The following KMT2B variants were observed in gnomAD, a reference collection of about 807,000 sequenced individuals.
The protein encoded by KMT2B is lysine methyltransferase 2B.
A neutral mutation model predicts 255.3 loss-of-function variants in KMT2B; 22 were observed. The ratio of observed to expected loss-of-function variants is 0.09; its 90% CI spans 0.06 to 0.12. KMT2B has a LOEUF of 0.12. KMT2B is among the 10% of genes least tolerant of loss of function. The pLI, the probability that KMT2B is intolerant of heterozygous loss-of-function variation, is 1.00. For missense variants in KMT2B, 3,149 were observed against 3,737.0 expected (o/e 0.84, Z 4.10); for synonymous variants, 1,730 against 1,498.1 (o/e 1.15, Z -3.57).
chr19:35,724,879 G>A, intron 9 of KMT2B, 110 bp from the exon 10 acceptor site: 2 of 1,085,918 alleles, frequency 1.8e-6, no homozygotes, highest in Non-Finnish European at 2.7e-6. Context: ...GAAAGCAAAG[G>A]GGTCTGGATC....
Position 35,722,458 on chromosome 19 carries a change from A to G in KMT2B, c.2557A>G (p.Arg853Gly), listed in dbSNP as rs1308440177. 6.2e-7 allele frequency: 1 copy of G among 1,608,400 alleles called. No homozygotes were observed. ...TGAAGATGAGTCGGTGGAAGCTAAGAGAGAGCGGCCCTCAGTATGCATCGG... is the reference window on the plus strand; with the variant it reads ...TGAAGATGAGTCGGTGGAAGCTAAGGGAGAGCGGCCCTCAGTATGCATCGG... ...RSEDESVEAKRERPSGPESPV... is the reference protein window; with the variant it reads ...RSEDESVEAKGERPSGPESPV... Residue 853 changes from arginine (R) to glycine (G), a missense_variant, in exon 4 of 37, where the codon AGA becomes GGA. By Grantham distance (125) the Arg-to-Gly change is moderately radical. This residue lies in a region of KMT2B where 1,188 missense variants were observed against 1,106.4 expected (regional missense o/e 1.07). Coordinates refer to ENST00000420124, the MANE Select transcript of KMT2B (RefSeq NM_014727.3).
chr19:35,728,606 G>A (rs949233458), intron 19 of KMT2B, among the ~76,000 whole-genome samples, 168 bp from the exon 20 acceptor site: 4 of 152,144 alleles, frequency 2.6e-5, no homozygotes, highest in Non-Finnish European at 4.4e-5. Flanking sequence ...GCAGCATTTC[G>A]TATGTCCAAG....
At position 35,728,876 on chromosome 19, in the gene KMT2B, G is replaced by A. The variant is rs754659603; in HGVS notation, c.4674G>A (p.Gly1558=). Reference sequence around the variant, plus strand: ...CCCCAGAATCAGGGCAGCCTCCAGGGGATCCCTCAGCAGGTACTGGGAAGT... The same window carrying A: ...CCCCAGAATCAGGGCAGCCTCCAGGAGATCCCTCAGCAGGTACTGGGAAGT... ...PETPESGQPP[G]DPSAAFQGKD... Residue 1558 remains glycine (G), a synonymous_variant, in exon 20 of 37, where the codon GGG becomes GGA. Coordinates refer to ENST00000420124, the MANE Select transcript of KMT2B (RefSeq NM_014727.3). 4 of 1,613,860 alleles carry A rather than the reference G, an allele frequency of 2.5e-6. No homozygotes were observed. Among genetic ancestry groups the A allele is most frequent in the Admixed American group, 1.7e-5 (1 of 60,024 alleles).
rs961376200 is a variant in KMT2B at position 35,738,188 on chromosome 19, G to C, written c.7869G>C (p.Gly2623=). ...ACAAGCGGGAGAAGTTCTACGATGG[G>C]AAGGTGGGCTCCCAGTGGCTGTGGG... ...LTDKREKFYD[G]KGIGCYMFRM... The change falls in exon 36 of 37, where the codon GGG becomes GGC. Residue 2623 remains glycine (G), a synonymous_variant. Coordinates refer to ENST00000420124, the MANE Select transcript of KMT2B (RefSeq NM_014727.3). This position sits in a 1 kb window ranked among gnomAD's most constrained non-coding sequence, Gnocchi z 8.7. 4.3e-6 allele frequency: 7 copies of C among 1,613,746 alleles called. No individual in the cohort carries two copies. The highest frequency in any genetic ancestry group is 5.9e-6 in the Non-Finnish European group (7 of 1,179,864).
In KMT2B at chr19:35,737,989, TG is replaced by T. The variant is rs1568385885; in HGVS notation, c.7742+48del. 1 of 1,609,964 alleles carries T rather than the reference TG, an allele frequency of 6.2e-7. No individual in the cohort carries two copies. Among genetic ancestry groups the T allele is most frequent in the East Asian group, 2.2e-5 (1 of 44,772 alleles). ...GATGCCCCTTGGGTGGACGGACAGG[TG>T]CACTGGGTAGGGGGTACTGTCTGGT... is the stretch of plus-strand genomic sequence containing the variant. On this transcript the variant is annotated intron_variant, in intron 35 of 36. Transcript: ENST00000420124. The surrounding 1 kb of genome is among the most constrained non-coding windows in gnomAD (Gnocchi z 5.3).
rs117953918 is a variant in KMT2B, at chr19:35,738,253, C to T, written c.7873-29C>T. ...AGCGAGCCTGTCCGCGGGGACAGAG[C>T]ACCTGATCTCCCCACCTCATCCCTG... On this transcript the variant is annotated intron_variant, in intron 36 of 36. Transcript: ENST00000420124. The surrounding 1 kb of genome is among the most constrained non-coding windows in gnomAD (Gnocchi z 8.7). The T allele has an allele frequency of 9.3e-6, 15 of 1,613,182 alleles. No homozygotes were observed. The East Asian group carries it at 2.9e-4, about 31-fold the overall frequency.
At chr19:35,726,058 C>T (rs866855899) in intron 13 of KMT2B, among the ~76,000 whole-genome samples, 178 bp from the exon 14 acceptor site, 3 of 152,190 alleles carry the variant, frequency 2.0e-5, no homozygotes, top group African/African-American at 2.4e-5. Context: ...CCTGCTATAG[C>T]CTGATGTCCT....
rs752443498 is a variant in KMT2B at position 35,725,258 on chromosome 19, C to T, written c.3567C>T (p.Gly1189=). ...TAGAGAACGTGTGGCTGATGGGGGG[C>T]CTGAGTGTGCTCACCTCTGTGCCAG... ...CDLENVWLMG[G]LSVLTSVPGG... The change falls in exon 11 of 37, where the codon GGC becomes GGT. Residue 1189 remains glycine, a synonymous_variant. Coordinates refer to ENST00000420124, the MANE Select transcript of KMT2B (RefSeq NM_014727.3). This position sits in a 1 kb window ranked among gnomAD's most constrained non-coding sequence, Gnocchi z 4.1. The T allele has an allele frequency of 7.5e-6, 12 of 1,607,470 alleles. No individual in the cohort carries two copies.
Position 35,720,670 on chromosome 19 carries a change from A to G in KMT2B, c.1323A>G (p.Leu441=). Residue 441 remains leucine (L), a synonymous_variant, in exon 3 of 37, where the codon CTA becomes CTG. Transcript: ENST00000420124. The part of the protein sequence containing the change: ...PPPPPVSPPP[L]PSPPPPPAQE... The stretch of plus-strand genomic sequence containing the variant: ...CACCCCCAGTGTCCCCACCACCTCT[A>G]CCATCCCCTCCACCGCCTCCTGCCC... The G allele has an allele frequency of 1.4e-6, 2 of 1,444,098 alleles. No individual in the cohort carries two copies. The highest frequency in any genetic ancestry group is 9.1e-7 in the Non-Finnish European group (1 of 1,099,674). The allele number at this position is 1,444,098 out of a possible 1,614,324, so 89.5% of individuals were successfully genotyped here. A position where few individuals can be genotyped will look rare whatever the true frequency, so the allele number is the denominator to read the frequency against.
chr19:35,718,089 C>T lies in KMT2B; in HGVS notation c.71C>T (p.Pro24Leu), dbSNP rs2146428411. ...GSARGRFPGR[P>L]RGAGGGGGRG... The stretch of plus-strand genomic sequence containing the variant: ...GCGCGGGGCCGCTTCCCGGGCCGGC[C>T]GCGGGGCGCCGGCGGGGGCGGGGGC... Residue 24 changes from proline (P) to leucine (L), a missense_variant, in exon 1 of 37, where the codon CCG (proline) becomes CTG (leucine). Pro to Leu is a moderately conservative substitution (Grantham distance 98, BLOSUM62 -3). Around this residue, in one of 18 missense-constraint regions of KMT2B, gnomAD observed 10 missense variants for 26.9 expected, o/e 0.37. Coordinates refer to ENST00000420124, the MANE Select transcript of KMT2B (RefSeq NM_014727.3). This position sits in a 1 kb window ranked among gnomAD's most constrained non-coding sequence, Gnocchi z 5.0. 1 of 987,950 alleles carries T rather than the reference C, an allele frequency of 1.0e-6. No individual in the cohort carries two copies. The highest frequency in any genetic ancestry group is 1.2e-6 in the Non-Finnish European group (1 of 833,036). The allele number at this position is 987,950 out of a possible 1,614,324, so 61.2% of individuals were successfully genotyped here.
In KMT2B at chr19:35,725,565, C is replaced by T; in HGVS notation, c.3729C>T (p.Thr1243=). Residue 1243 remains threonine (T), a synonymous_variant, in exon 12 of 37, where the codon ACC becomes ACT. Transcript: ENST00000420124. The surrounding 1 kb of genome is among the most constrained non-coding windows in gnomAD (Gnocchi z 4.1). ...GGCCCCTGCCCCAGCATCACGACAC[C>T]TGGTGCTGCCGTCGCTGCAAATTCT... is the stretch of plus-strand genomic sequence containing the variant. ...AERPLPQHHD[T]WCCRRCKFCH... is the part of the protein sequence containing the mutation. 6.2e-7 allele frequency: 1 copy of T among 1,610,572 alleles called. No individual in the cohort carries two copies. Among genetic ancestry groups the T allele is most frequent in the Non-Finnish European group, 8.5e-7 (1 of 1,179,878 alleles).
At chr19:35,731,547 C>T (rs1041245250) in intron 26 of KMT2B, among the ~76,000 whole-genome samples, 37 of 152,032 alleles carry the variant, frequency 2.4e-4, no homozygotes, top group East Asian at 1.9e-4. Flanking sequence ...GGAGAGCCTC[C>T]GGGCCGGGGC....
In KMT2B at chr19:35,733,140, G is replaced by A; in HGVS notation, c.6591G>A (p.Leu2197=). Residue 2197 remains leucine (L), a synonymous_variant, in exon 28 of 37, where the codon CTG becomes CTA. Transcript: ENST00000420124. This position sits in a 1 kb window ranked among gnomAD's most constrained non-coding sequence, Gnocchi z 4.3. ...CCAAAATCATACTTGTCAACAAGCT[G>A]GGGCAAGTATTTGTGAAGATGGCTG... The part of the protein sequence containing the change: ...ATSKIILVNK[L]GQVFVKMAGE... 1 of 1,586,402 alleles carries A rather than the reference G, an allele frequency of 6.3e-7. No homozygotes were observed. Among genetic ancestry groups the A allele is most frequent in the Non-Finnish European group, 8.6e-7 (1 of 1,165,980 alleles).
chr19:35,736,350 G>T (rs1969916875), intron 30 of KMT2B: 1 of 234,656 alleles, frequency 4.3e-6, no homozygotes, highest in Non-Finnish European at 8.3e-6. Flanking sequence ...TAAATTTTGT[G>T]TGAGAAACAG....
chr19:35,727,739 C>T lies in KMT2B; in HGVS notation c.4344C>T (p.Gly1448=), dbSNP rs768499494. ...AGCAACTGCACCCAGGACCCTGCGG[C>T]CTGCAAGCTGTGAGTCAGCGCTTCG... The part of the protein sequence containing the change: ...DGKQLHPGPC[G]LQAVSQRFED... The change falls in exon 17 of 37, where the codon GGC becomes GGT. Residue 1448 remains glycine (G), a synonymous_variant. Transcript: ENST00000420124. The surrounding 1 kb of genome is among the most constrained non-coding windows in gnomAD (Gnocchi z 4.2). The T allele has an allele frequency of 1.2e-6, 2 of 1,613,866 alleles. No homozygotes were observed. The highest frequency in any genetic ancestry group is 1.7e-6 in the Non-Finnish European group (2 of 1,179,898).
In KMT2B at chr19:35,726,218, A is replaced by G. The variant is rs1414141490; in HGVS notation, c.3886-18A>G. On this transcript the variant is annotated intron_variant, in intron 13 of 36. Transcript: ENST00000420124. Reference sequence around the variant, plus strand: ...GTCCAGTGCCTGGTTTTCCCCTAACATCGCCCTGCTCCCCCAGATCTGTTC... The same window carrying G: ...GTCCAGTGCCTGGTTTTCCCCTAACGTCGCCCTGCTCCCCCAGATCTGTTC... 2 of 1,602,102 alleles carry G rather than the reference A, an allele frequency of 1.2e-6. No individual in the cohort carries two copies. The highest frequency in any genetic ancestry group is 1.7e-6 in the Non-Finnish European group (2 of 1,169,846).
At position 35,725,584 on chromosome 19, in the gene KMT2B, A is replaced by G. The variant is rs1447455640; in HGVS notation, c.3748A>G (p.Lys1250Glu). ...HHDTWCCRRC[K>E]FCHVCGRKGR... Reference sequence around the variant, plus strand: ...CGACACCTGGTGCTGCCGTCGCTGCAAATTCTGCCACGTCTGTGGACGCAA... The same window carrying G: ...CGACACCTGGTGCTGCCGTCGCTGCGAATTCTGCCACGTCTGTGGACGCAA... Residue 1250 changes from lysine to glutamate, a missense_variant, in exon 12 of 37, where the codon AAA becomes GAA. Physicochemically the swap from Lys to Glu is moderately conservative, Grantham distance 56. Transcript: ENST00000420124. This position sits in a 1 kb window ranked among gnomAD's most constrained non-coding sequence, Gnocchi z 4.1. The G allele has an allele frequency of 6.2e-7, 1 of 1,610,432 alleles. No homozygotes were observed. The highest frequency in any genetic ancestry group is 1.1e-5 in the South Asian group (1 of 91,082).
rs1280247669 is a variant in KMT2B at position 35,722,644 on chromosome 19, G to A, written c.2648G>A (p.Arg883Gln). ...RHAAVALGQA[R>Q]AMVPEDVPRL... is the part of the protein sequence containing the mutation. ...GCTGCTGTGGCCCTGGGTCAGGCCC[G>A]GGCCATGGTGCCTGAAGATGTCCCT... Residue 883 changes from arginine to glutamine, a missense_variant, in exon 5 of 37, where the codon CGG becomes CAG. Coordinates refer to ENST00000420124, the MANE Select transcript of KMT2B (RefSeq NM_014727.3). The A allele has an allele frequency of 6.2e-6, 10 of 1,612,638 alleles. No individual in the cohort carries two copies. The highest frequency in any genetic ancestry group is 4.5e-5 in the East Asian group (2 of 44,874).
chr19:35,733,933 A>T lies in KMT2B; in HGVS notation c.7159+61A>T, dbSNP rs1200102067. On this transcript the variant is annotated intron_variant, in intron 30 of 36. Transcript: ENST00000420124. This position sits in a 1 kb window ranked among gnomAD's most constrained non-coding sequence, Gnocchi z 4.3. The stretch of plus-strand genomic sequence containing the variant: ...TGCCTGGCTCAGCTGGGTGACTCAC[A>T]GATGCAAAATCAGCCCTCTTTCAAA... 2.4e-6 allele frequency: 3 copies of T among 1,241,430 alleles called. No individual in the cohort carries two copies. The African/African-American group carries it at 4.5e-5, about 19-fold the overall frequency. The allele number at this position is 1,241,430 out of a possible 1,614,324, so 76.9% of individuals were successfully genotyped here. A position where few individuals can be genotyped will look rare whatever the true frequency, so the allele number is the denominator to read the frequency against.
Sources: gnomAD v4.1 joint callset for allele counts (sites outside exome capture counted in the v4.1 genomes callset) on GRCh38, gnomAD v4.1.1 for gene constraint, gnomAD v4.1.1 regional missense constraint, Gnocchi (gnomAD v3.1) non-coding constraint, MANE v1.5 for transcripts, NCBI Gene and HGNC (gene_info 2026-07-23, HGNC 2026-07-21) for gene names.